OMD: variants seen among roughly 807,000 people sequenced by gnomAD.
The protein encoded by OMD is osteomodulin, also known as KSPG osteomodulin.
In OMD, 19 loss-of-function variants were observed where a neutral mutation model predicts 31.2. The ratio of observed to expected loss-of-function variants is 0.61; its 90% CI spans 0.42 to 0.89. The LOEUF (loss-of-function observed/expected upper bound fraction) is 0.89. OMD is among the 40% of genes least tolerant of loss of function. The pLI is 0.00. For synonymous variants in OMD, 155 were observed against 166.4 expected, an observed-to-expected ratio of 0.93 and a Z score of 0.53; for missense variants, 448 against 490.8, an observed-to-expected ratio of 0.91 and a Z score of 0.82.
chr9:92,414,198 C>G lies in OMD; in HGVS notation c.*954G>C, dbSNP rs373195619. ...ACCTGTCATTCAAATTATAAAGGAA[C>G]TGTATTCAATTTTAGCTTATGTAGA... On this transcript the variant is annotated 3_prime_UTR_variant, in exon 3 of 3. Coordinates refer to ENST00000375550, the MANE Select transcript of OMD (RefSeq NM_005014.3). 1 of 176,972 alleles carries G rather than the reference C, an allele frequency of 5.7e-6. No homozygotes were observed. The highest frequency in any genetic ancestry group is 2.4e-5 in the African/African-American group (1 of 42,240). The allele number at this position is 176,972 out of a possible 1,614,324, so 11.0% of individuals were successfully genotyped here.
chr9:92,422,726 C>G (rs1164930804), intron 1 of OMD, among the ~76,000 whole-genome samples: 1 of 152,136 alleles, frequency 6.6e-6, no homozygotes, highest in Non-Finnish European at 1.5e-5. Context: ...CTGTTTTCAT[C>G]TATATGCTCA....
Position 92,417,357 on chromosome 9 carries a change from A to T in OMD, c.202T>A (p.Cys68Ser), listed in dbSNP as rs888156854. 1.2e-6 allele frequency: 2 copies of T among 1,613,984 alleles called. No homozygotes were observed. The highest frequency in any genetic ancestry group is 2.7e-5 in the African/African-American group (2 of 74,930). The part of the protein sequence containing the change: ...YTLGCVSECF[C>S]PTNFPSSMYC... ...ATTGATGATGGAAAGTTAGTTGGACAGAAGCATTCACTGACACAGCCTAAA... is the reference window on the plus strand; with the variant it reads ...ATTGATGATGGAAAGTTAGTTGGACTGAAGCATTCACTGACACAGCCTAAA... Residue 68 changes from cysteine to serine, a missense_variant, in exon 2 of 3, where the codon TGT (cysteine) becomes AGT (serine). Transcript: ENST00000375550.
At chr9:92,416,056 G>T (rs1331075246) in intron 2 of OMD, among the ~76,000 whole-genome samples, 11 of 83,442 alleles carry the variant, frequency 1.3e-4, no homozygotes, top group African/African-American at 3.6e-4. Flanking sequence ...TTATATATGT[G>T]TGTATATATA....
intron 1 of OMD, 123 bp from the exon 2 acceptor site, chr9:92,417,697 A>G (rs1480577126): frequency 1.6e-6 from 1 of 616,730 alleles, no homozygotes; most frequent in Non-Finnish European, 2.6e-6. Flanking sequence ...AATATCCAGA[A>G]AGAATGGGCA....
rs770852765 is a variant in OMD at position 92,416,608 on chromosome 9, AG to A, written c.940+10del. ...CTTTCTCTCTTCAAAACACAATAAAAGTCTACATACTTTCTATTTCATTATT... is the reference window on the plus strand; with the variant it reads ...CTTTCTCTCTTCAAAACACAATAAAATCTACATACTTTCTATTTCATTATT... On this transcript the variant is annotated intron_variant, in intron 2 of 2. Coordinates refer to ENST00000375550, the MANE Select transcript of OMD (RefSeq NM_005014.3). 4 of 1,437,598 alleles carry A rather than the reference AG, an allele frequency of 2.8e-6. No homozygotes were observed. The Admixed American group carries it at 8.7e-5, about 31-fold the overall frequency. The allele number at this position is 1,437,598 out of a possible 1,614,324, so 89.1% of individuals were successfully genotyped here.
chr9:92,415,515 G>C (rs112455272), intron 2 of OMD, 38 bp from the exon 3 acceptor site: 3 of 1,208,652 alleles, frequency 2.5e-6, no homozygotes, highest in Non-Finnish European at 3.4e-6. Flanking sequence ...TTGTATTATA[G>C]TATAATCCAT....
In OMD at chr9:92,416,776, A is replaced by T; in HGVS notation, c.783T>A (p.Thr261=). The change falls in exon 2 of 3, where the codon ACT becomes ACA. Residue 261 remains threonine, a synonymous_variant. Coordinates refer to ENST00000375550, the MANE Select transcript of OMD (RefSeq NM_005014.3). Reference sequence around the variant, plus strand: ...GTAGTTTGTTGTGTGACATTCTTAGAGTATGAAGTTTTGGAAGTTTGTCGA... The same window carrying T: ...GTAGTTTGTTGTGTGACATTCTTAGTGTATGAAGTTTTGGAAGTTTGTCGA... ...KYFDKLPKLH[T]LRMSHNKLQD... The T allele has an allele frequency of 6.2e-7, 1 of 1,613,902 alleles. No individual in the cohort carries two copies. Among genetic ancestry groups the T allele is most frequent in the South Asian group, 1.1e-5 (1 of 91,068 alleles).
At chr9:92,415,561 G>A in intron 2 of OMD, 84 bp from the exon 3 acceptor site, 2 of 630,218 alleles carry the variant, frequency 3.2e-6, no homozygotes, top group Non-Finnish European at 4.9e-6. Flanking sequence ...ATTTTATATT[G>A]TATGGGATAT....
chr9:92,415,173 A>G lies in OMD; in HGVS notation c.1245T>C (p.His415=), dbSNP rs763077134. 1 of 1,607,526 alleles carries G rather than the reference A, an allele frequency of 6.2e-7. No homozygotes were observed. Among genetic ancestry groups the G allele is most frequent in the Non-Finnish European group, 8.5e-7 (1 of 1,178,166 alleles). Residue 415 remains histidine, a synonymous_variant, in exon 3 of 3, where the codon CAT becomes CAC. Transcript: ENST00000375550. ...CTTGCTATTCTTGATTTTCATAATA[A>G]TGAAGGTCAAAGTGCCCTTCTGCTC... The part of the protein sequence containing the change: ...QEGAEGHFDL[H]YYENQE
In OMD at chr9:92,417,157, A is replaced by G. The variant is rs1407329835; in HGVS notation, c.402T>C (p.Tyr134=). 2 of 1,613,784 alleles carry G rather than the reference A, an allele frequency of 1.2e-6. No homozygotes were observed. Among genetic ancestry groups the G allele is most frequent in the East Asian group, 2.2e-5 (1 of 44,876 alleles). Residue 134 remains tyrosine, a synonymous_variant, in exon 2 of 3, where the codon TAT becomes TAC. Coordinates refer to ENST00000375550, the MANE Select transcript of OMD (RefSeq NM_005014.3). ...GATTTGGAAGCTTAGCAAACACACCATAATCAATCTTTTGAGATTTAATTT... is the reference window on the plus strand; with the variant it reads ...GATTTGGAAGCTTAGCAAACACACCGTAATCAATCTTTTGAGATTTAATTT... ...HNKIKSQKID[Y]GVFAKLPNLL... is the part of the protein sequence containing the mutation.
Position 92,417,236 on chromosome 9 carries a change from G to T in OMD, c.323C>A (p.Ala108Glu). 1 of 1,613,980 alleles carries T rather than the reference G, an allele frequency of 6.2e-7. No individual in the cohort carries two copies. Among genetic ancestry groups the T allele is most frequent in the Non-Finnish European group, 8.5e-7 (1 of 1,179,942 alleles). Reference protein sequence around the residue: ...LQFNEIEAVTANSFINATHLK... With the variant: ...LQFNEIEAVTENSFINATHLK... ...ATGAGTTGCATTGATGAATGAATTT[G>T]CAGTCACAGCCTCAATTTCATTGAA... Residue 108 changes from alanine (A) to glutamate (E), a missense_variant, in exon 2 of 3, where the codon GCA (alanine) becomes GAA (glutamate). Transcript: ENST00000375550.
rs368634649 is a variant in OMD at position 92,416,072 on chromosome 9, T to TATATATATATATA, written c.940+546_940+547insTATATATATATAT. On this transcript the variant is annotated intron_variant, in intron 2 of 2. Transcript: ENST00000375550. ...TATATATGTGTGTATATATATATAT[T>TATATATATATATA]TATTTATTTATTTATTTATTTATTT... Among the ~76,000 whole-genome samples, 362 of 125,288 alleles carry TATATATATATATA rather than the reference T, an allele frequency of 2.9e-3. 3 individuals are homozygous for TATATATATATATA. Among genetic ancestry groups the TATATATATATATA allele is most frequent in the South Asian group, 8.8e-3 (35 of 3,990 alleles). 82.2% of individuals were successfully genotyped at this position (125,288 alleles called of 152,430 possible). A position where few individuals can be genotyped will look rare whatever the true frequency, so the allele number is the denominator to read the frequency against.
intron 1 of OMD, among the ~76,000 whole-genome samples, chr9:92,423,966 CA>C (rs1189583357): frequency 1.3e-5 from 2 of 151,932 alleles, no homozygotes; most frequent in African/African-American, 4.8e-5. Flanking sequence ...AAAATCTAAA[CA>C]AAGATTTTTT....
At chr9:92,420,231 C>T (rs577080660) in intron 1 of OMD, among the ~76,000 whole-genome samples, 4 of 152,286 alleles carry the variant, frequency 2.6e-5, no homozygotes, top group Middle Eastern at 6.8e-3. Context: ...CTCCAATTTC[C>T]GTGGAACCTC....
In OMD at chr9:92,418,249, G is replaced by C. The variant is rs190785396; in HGVS notation, c.-16-675C>G. ...CTACAGGCGCGTGCCACCACGCTTG[G>C]CTAATTTTTGTATTGTTAGTAGAGA... On this transcript the variant is annotated intron_variant, in intron 1 of 2. Transcript: ENST00000375550. Among the ~76,000 whole-genome samples the C allele has an allele frequency of 8.6e-4, 131 of 151,966 alleles. 2 individuals are homozygous for C. The East Asian group carries it at 0.025, about 28-fold the overall frequency.
At chr9:92,423,880 A>G (rs971739369) in intron 1 of OMD, among the ~76,000 whole-genome samples, 1 of 152,146 alleles carries the variant, frequency 6.6e-6, no homozygotes, top group African/African-American at 2.4e-5. Context: ...TAATTCATAG[A>G]AAAAAAGAGA....
chr9:92,417,788 G>A (rs1171874413), intron 1 of OMD, among the ~76,000 whole-genome samples: 4 of 151,958 alleles, frequency 2.6e-5, no homozygotes, highest in African/African-American at 4.8e-5. Context: ...GCACAATCTC[G>A]GCTCACTGCA....
chr9:92,423,793 C>T (rs1354990499), intron 1 of OMD, among the ~76,000 whole-genome samples: 1 of 152,030 alleles, frequency 6.6e-6, no homozygotes, highest in Non-Finnish European at 1.5e-5. Context: ...TACAAATGCC[C>T]ATCAACCCCC....
chr9:92,416,938 G>T lies in OMD; in HGVS notation c.621C>A (p.Ile207=), dbSNP rs760346396. 2.5e-6 allele frequency: 4 copies of T among 1,613,848 alleles called. No individual in the cohort carries two copies. Among genetic ancestry groups the T allele is most frequent in the Middle Eastern group, 1.6e-4 (1 of 6,082 alleles). Reference sequence around the variant, plus strand: ...GCATTAGTTTTTCCATTTTGGCAAAGATTTTGTCTTTTAGCAGAGAATCAT... The same window carrying T: ...GCATTAGTTTTTCCATTTTGGCAAATATTTTGTCTTTTAGCAGAGAATCAT... ...YLHDSLLKDK[I]FAKMEKLMQL... The change falls in exon 2 of 3, where the codon ATC becomes ATA. Residue 207 remains isoleucine (I), a synonymous_variant. Coordinates refer to ENST00000375550, the MANE Select transcript of OMD (RefSeq NM_005014.3).
Sources: allele counts gnomAD v4.1 joint callset (sites outside exome capture counted in the v4.1 genomes callset), GRCh38; gene constraint gnomAD v4.1.1; transcripts MANE v1.5; gene names NCBI Gene and HGNC (gene_info 2026-07-23, HGNC 2026-07-21).